The following TMEM116 variants were observed in gnomAD, a reference collection of about 807,000 sequenced individuals.
TMEM116 encodes transmembrane protein 116.
In TMEM116, 38 loss-of-function variants were observed where a neutral mutation model predicts 44.3. The observed-to-expected ratio is 0.86, with a 90% CI of 0.66 to 1.12. The LOEUF is 1.12. Among genes scored for constraint, TMEM116 ranks in the 50% most tolerant of loss-of-function variants. TMEM116 has a pLI of 0.00. For missense variants in TMEM116, 354 were observed against 401.7 expected (o/e 0.88, Z 1.01); for synonymous variants, 132 against 144.8 (o/e 0.91, Z 0.64).
intron 4 of TMEM116, among the ~76,000 whole-genome samples, chr12:111,962,949 G>T (rs753817011): frequency 2.0e-5 from 3 of 152,024 alleles, no homozygotes; most frequent in Non-Finnish European, 4.4e-5. Flanking sequence ...GATCTACAAA[G>T]AACTTAAACA....
At chr12:111,982,067 G>A (rs537911691) in intron 4 of TMEM116, among the ~76,000 whole-genome samples, 1 of 152,202 alleles carries the variant, frequency 6.6e-6, no homozygotes, top group East Asian at 1.9e-4. Context: ...ATTGGTCAAA[G>A]TATATAAAAT....
At chr12:111,966,567 G>A (rs2074998878) in intron 4 of TMEM116, among the ~76,000 whole-genome samples, 1 of 152,188 alleles carries the variant, frequency 6.6e-6, no homozygotes, top group Admixed American at 6.5e-5. Context: ...GTTTTTAAAA[G>A]AGAATTGCCA....
At chr12:111,974,664 A>C (rs544749451) in intron 4 of TMEM116, among the ~76,000 whole-genome samples, 3 of 151,012 alleles carry the variant, frequency 2.0e-5, no homozygotes, top group Non-Finnish European at 4.4e-5. Flanking sequence ...CAAAAAAAAA[A>C]AAAAGAAAAG....
chr12:111,989,884 A>G (rs2076444461), intron 4 of TMEM116, among the ~76,000 whole-genome samples: 1 of 152,190 alleles, frequency 6.6e-6, no homozygotes, highest in Non-Finnish European at 1.5e-5. Flanking sequence ...AGGGGAATAC[A>G]TATGTAAAAA....
chr12:111,958,662 T>TA (rs1565901236), intron 4 of TMEM116, among the ~76,000 whole-genome samples: 1 of 152,074 alleles, frequency 6.6e-6, no homozygotes, highest in Non-Finnish European at 1.5e-5. Flanking sequence ...AATGACCTGA[T>TA]AGAGCTGAAA....
intron 1 of TMEM116, among the ~76,000 whole-genome samples, chr12:112,007,455 A>G (rs985555394): frequency 6.6e-6 from 1 of 152,066 alleles, no homozygotes; most frequent in South Asian, 2.1e-4. Flanking sequence ...ACAGAAACCA[A>G]ACCAACCAAA....
At chr12:111,969,514 C>A (rs2136445819) in intron 4 of TMEM116, among the ~76,000 whole-genome samples, 1 of 151,930 alleles carries the variant, frequency 6.6e-6, no homozygotes, top group Non-Finnish European at 1.5e-5. Context: ...CCTGCCTCAG[C>A]CTCCCGAATA....
intron 4 of TMEM116, among the ~76,000 whole-genome samples, chr12:111,982,304 CT>C (rs35312059): frequency 0.22 from 32,141 of 143,524 alleles, 3,378 homozygotes; most frequent in Middle Eastern, 0.28. Context: ...AAATGCATAC[CT>C]TTTTTTTTTT....
Position 111,992,339 on chromosome 12 carries a change from G to A in TMEM116, c.79-450C>T, listed in dbSNP as rs953306530. ...GGCTAGAGTGCAGTGGCACGATCTCGGCTCATTGCAAGCTCTGCCTCCTGG... is the reference window on the plus strand; with the variant it reads ...GGCTAGAGTGCAGTGGCACGATCTCAGCTCATTGCAAGCTCTGCCTCCTGG... On this transcript the variant is annotated intron_variant, in intron 3 of 10. Transcript: ENST00000552374. Among the ~76,000 whole-genome samples the A allele has an allele frequency of 4.0e-5, 6 of 150,746 alleles. No homozygotes were observed. The East Asian group carries it at 7.8e-4, about 20-fold the overall frequency.
Position 111,940,523 on chromosome 12 carries a change from GTATA to G in TMEM116, c.316-2317_316-2314del, listed in dbSNP as rs759583297. Among the ~76,000 whole-genome samples, 259 of 104,892 alleles carry G rather than the reference GTATA, an allele frequency of 2.5e-3. 5 individuals are homozygous for G. Among genetic ancestry groups the G allele is most frequent in the African/African-American group, 8.1e-3 (180 of 22,260 alleles). 68.8% of individuals were successfully genotyped at this position (104,892 alleles called of 152,430 possible). On this transcript the variant is annotated intron_variant, in intron 5 of 10. Coordinates refer to ENST00000552374, the MANE Select transcript of TMEM116 (RefSeq NM_001193531.2). ...CATATATATACACACATATATATGT[GTATA>G]TATATATATATATATATACACACAC...
At chr12:111,979,372 A>C (rs1304263072) in intron 4 of TMEM116, among the ~76,000 whole-genome samples, 1 of 152,168 alleles carries the variant, frequency 6.6e-6, no homozygotes, top group African/African-American at 2.4e-5. Context: ...TGCTAAGTGA[A>C]AGAAGCCAGA....
intron 3 of TMEM116, among the ~76,000 whole-genome samples, chr12:111,998,560 G>A (rs987755150): frequency 1.3e-5 from 2 of 152,222 alleles, no homozygotes; most frequent in Non-Finnish European, 2.9e-5. Context: ...GCTCATGCCT[G>A]TAATCCCCAG....
At chr12:111,979,150 T>C (rs915235802) in intron 4 of TMEM116, among the ~76,000 whole-genome samples, 4 of 152,144 alleles carry the variant, frequency 2.6e-5, no homozygotes, top group African/African-American at 9.7e-5. Flanking sequence ...TGGAACTTCA[T>C]TGGAAAATAG....
chr12:111,936,781 A>G lies in TMEM116; in HGVS notation c.499T>C (p.Ser167Pro), dbSNP rs1182127766. 1 of 1,613,258 alleles carries G rather than the reference A, an allele frequency of 6.2e-7. No homozygotes were observed. Among genetic ancestry groups the G allele is most frequent in the Admixed American group, 1.7e-5 (1 of 59,842 alleles). ...GTGCTACAGACAGATGTGTTGGCAG[A>G]AGGTGGAAGTTCAGCCATGGCTGAT... ...PPSAMAELPP[S>P]ANTSVCSTLY... The change falls in exon 8 of 11, where the codon TCT becomes CCT. Residue 167 changes from serine to proline, a missense_variant. Physicochemically the swap from Ser to Pro is moderately conservative, Grantham distance 74. Coordinates refer to ENST00000552374, the MANE Select transcript of TMEM116 (RefSeq NM_001193531.2).
At position 111,934,507 on chromosome 12, in the gene TMEM116, A is replaced by G. The variant is rs560627657; in HGVS notation, c.589-477T>C. On this transcript the variant is annotated intron_variant, in intron 8 of 10. Transcript: ENST00000552374. Reference sequence around the variant, plus strand: ...CCCGGTGCGGTGGCTCACGCCTATAATCCCAACACTTTGGGAGGCTGAGGC... The same window carrying G: ...CCCGGTGCGGTGGCTCACGCCTATAGTCCCAACACTTTGGGAGGCTGAGGC... 156 of 152,996 alleles carry G rather than the reference A, an allele frequency of 1.0e-3. 1 individual carries two copies. The highest frequency in any genetic ancestry group is 3.0e-3 in the Admixed American group (46 of 15,360). 9.5% of individuals were successfully genotyped at this position (152,996 alleles called of 1,614,324 possible).
chr12:112,011,789 C>T (rs892964780), intron 1 of TMEM116: 4 of 152,302 alleles, frequency 2.6e-5, no homozygotes, highest in Non-Finnish European at 4.4e-5. Context: ...GCCTCGACCC[C>T]TCAGGTCCAA....
rs777981024 is a variant in TMEM116, at chr12:111,991,835, G to A, written c.133C>T (p.Leu45Phe). The part of the protein sequence containing the change: ...FCDLLLGLCW[L>F]TETLLYGASV... The stretch of plus-strand genomic sequence containing the variant: ...GCTCCATAGAGAAGTGTCTCCGTGA[G>A]CCAGCAAAGTCCCAGGAGCAGGTCA... Residue 45 changes from leucine to phenylalanine, a missense_variant, in exon 4 of 11, where the codon CTC (leucine) becomes TTC (phenylalanine). By Grantham distance (22) the Leu-to-Phe change is conservative. Coordinates refer to ENST00000552374, the MANE Select transcript of TMEM116 (RefSeq NM_001193531.2). 5.2e-6 allele frequency: 8 copies of A among 1,536,168 alleles called. No homozygotes were observed. Among genetic ancestry groups the A allele is most frequent in the Non-Finnish European group, 7.0e-6 (8 of 1,146,724 alleles).
chr12:111,937,712 G>A (rs114961804), intron 6 of TMEM116, among the ~76,000 whole-genome samples: 1 of 152,146 alleles, frequency 6.6e-6, no homozygotes, highest in Non-Finnish European at 1.5e-5. Context: ...AAGAGGAAAA[G>A]ATCCAGGAAC....
At chr12:111,993,855 A>C (rs947047229) in intron 3 of TMEM116, 2 of 751,066 alleles carry the variant, frequency 2.7e-6, no homozygotes, top group African/African-American at 3.4e-5. Flanking sequence ...TGTTGAATAA[A>C]GAAAAAGGTA....
Sources: gnomAD v4.1 joint callset for allele counts (sites outside exome capture counted in the v4.1 genomes callset) on GRCh38, gnomAD v4.1.1 for gene constraint, MANE v1.5 for transcripts, NCBI Gene and HGNC (gene_info 2026-07-23, HGNC 2026-07-21) for gene names.